The following ATP5F1B variants were observed in gnomAD, a reference collection of about 807,000 sequenced individuals.
The protein encoded by ATP5F1B is ATP synthase F1 subunit beta.
Under a neutral mutation model 45.9 loss-of-function variants are expected in ATP5F1B, and 17 were observed. The ratio of observed to expected loss-of-function variants is 0.37; its 90% confidence interval spans 0.25 to 0.56. ATP5F1B has a LOEUF of 0.56. Ranked by LOEUF, ATP5F1B falls within the 20% of genes least tolerant of loss-of-function variation. The pLI is 0.80. For missense variants in ATP5F1B, 387 were observed against 673.2 expected (o/e 0.57, Z 4.70); for synonymous variants, 218 against 256.5 (o/e 0.85, Z 1.43).
Position 56,638,201 on chromosome 12 carries a change from A to C in ATP5F1B, c.*122T>G. ...TCTGAGGGGTGTACATTTTATTGGA[A>C]ACCTTAAATACTGTTCAGAAAGAAT... On this transcript the variant is annotated 3_prime_UTR_variant, in exon 10 of 10. Coordinates refer to ENST00000262030, the MANE Select transcript of ATP5F1B (RefSeq NM_001686.4). 1.2e-6 allele frequency: 1 copy of C among 823,116 alleles called. No homozygotes were observed. Among genetic ancestry groups the C allele is most frequent in the South Asian group, 1.7e-5 (1 of 57,476 alleles). The allele number at this position is 823,116 out of a possible 1,614,324, so 51.0% of individuals were successfully genotyped here.
At position 56,642,369 on chromosome 12, in the gene ATP5F1B, T is replaced by C. The variant is rs903410364; in HGVS notation, c.1074+89A>G. 7.1e-6 allele frequency: 11 copies of C among 1,558,508 alleles called. No homozygotes were observed. In the African/African-American group the frequency reaches 1.5e-4, roughly 21 times the overall value. On this transcript the variant is annotated intron_variant, in intron 7 of 9. Transcript: ENST00000262030. Reference sequence around the variant, plus strand: ...GCTGATCTCTTGGGCTCAAGCAATCTTCCTGCCTCAGCCTCCTCAGTAGCT... The same window carrying C: ...GCTGATCTCTTGGGCTCAAGCAATCCTCCTGCCTCAGCCTCCTCAGTAGCT...
rs372294142 is a variant in ATP5F1B at position 56,644,968 on chromosome 12, G to A, written c.311-13C>T. 15 of 1,614,090 alleles carry A rather than the reference G, an allele frequency of 9.3e-6. No homozygotes were observed. Among genetic ancestry groups the A allele is most frequent in the Non-Finnish European group, 2.5e-6 (3 of 1,179,956 alleles). On this transcript the variant is annotated splice_polypyrimidine_tract_variant and intron_variant, in intron 2 of 9. Coordinates refer to ENST00000262030, the MANE Select transcript of ATP5F1B (RefSeq NM_001686.4). ...ACTGTGCTCTCACCTGTTAGATACA[G>A]GCATCGCAGGGTTATACATAAGGAT... is the stretch of plus-strand genomic sequence containing the variant.
chr12:56,645,417 G>A (rs1043056800), intron 1 of ATP5F1B, 64 bp from the exon 2 acceptor site: 75 of 1,514,570 alleles, frequency 5.0e-5, no homozygotes, highest in Non-Finnish European at 6.6e-5. Context: ...CGGAAGCCAG[G>A]ACTTAACACA....
chr12:56,641,379 AG>A (rs1175099068), intron 7 of ATP5F1B, among the ~76,000 whole-genome samples: 108 of 151,658 alleles, frequency 7.1e-4, no homozygotes, highest in African/African-American at 2.4e-3. Flanking sequence ...AAAAAAAAAA[AG>A]AATTAAAAAC....
At chr12:56,640,887 A>C (rs1255434544) in intron 7 of ATP5F1B, among the ~76,000 whole-genome samples, 3 of 149,002 alleles carry the variant, frequency 2.0e-5, no homozygotes, top group Non-Finnish European at 4.5e-5. Flanking sequence ...AAAAAAAAAA[A>C]CGGAAACAAA....
Position 56,640,184 on chromosome 12 carries a change from A to G in ATP5F1B, c.1083T>C (p.Tyr361=), listed in dbSNP as rs1215265712. ...KGSITSVQAI[Y]VPADDLTDPA... is the part of the protein sequence containing the mutation. The stretch of plus-strand genomic sequence containing the variant: ...GGTCAGTCAAGTCATCAGCAGGCAC[A>G]TAGATAGCCTAAAGTGAGATCCCAT... The change falls in exon 8 of 10, where the codon TAT becomes TAC. Residue 361 remains tyrosine (Y), a synonymous_variant. Coordinates refer to ENST00000262030, the MANE Select transcript of ATP5F1B (RefSeq NM_001686.4). 4 of 1,613,766 alleles carry G rather than the reference A, an allele frequency of 2.5e-6. No homozygotes were observed. The highest frequency in any genetic ancestry group is 1.3e-5 in the African/African-American group (1 of 74,996).
chr12:56,641,723 T>C (rs960854403), intron 7 of ATP5F1B, among the ~76,000 whole-genome samples: 1 of 151,860 alleles, frequency 6.6e-6, no homozygotes, highest in African/African-American at 2.4e-5. Flanking sequence ...GCTAATTTTT[T>C]GTATTTTTAG....
chr12:56,644,051 C>T, intron 3 of ATP5F1B, 93 bp from the exon 4 acceptor site: 1 of 1,443,944 alleles, frequency 6.9e-7, no homozygotes, highest in Non-Finnish European at 9.3e-7. Context: ...TCAAGTCCAT[C>T]CCTTTACCTG....
intron 7 of ATP5F1B, among the ~76,000 whole-genome samples, chr12:56,640,976 G>A (rs1951507762): frequency 6.6e-6 from 1 of 151,816 alleles, no homozygotes. Flanking sequence ...TTGAACCCAG[G>A]AGGTGGAGGT....
rs749214177 is a variant in ATP5F1B at position 56,645,027 on chromosome 12, CCTT to C, written c.311-75_311-73del. The C allele has an allele frequency of 1.8e-5, 29 of 1,608,952 alleles. No individual in the cohort carries two copies. In the Middle Eastern group the frequency reaches 4.9e-4, roughly 27 times the overall value. On this transcript the variant is annotated intron_variant, in intron 2 of 9. Coordinates refer to ENST00000262030, the MANE Select transcript of ATP5F1B (RefSeq NM_001686.4). ...ATCAAGACCTAAATCGACCAAGACT[CCTT>C]CTCAGTACCTAAATGTGGCTTCAGC...
chr12:56,639,832 G>C lies in ATP5F1B; in HGVS notation c.1287+148C>G, dbSNP rs1172402472. The C allele has an allele frequency of 2.0e-5, 14 of 704,030 alleles. No homozygotes were observed. In the East Asian group the frequency reaches 3.9e-4, roughly 19 times the overall value. 43.6% of individuals were successfully genotyped at this position (704,030 alleles called of 1,614,324 possible). A position where few individuals can be genotyped will look rare whatever the true frequency, so the allele number is the denominator to read the frequency against. On this transcript the variant is annotated intron_variant, in intron 8 of 9. Transcript: ENST00000262030. ...AAGCGTTAAGTACCTGGAAACTCAA[G>C]AGACCTCATTAGCTCTCACTAGCAA...
intron 1 of ATP5F1B, 79 bp downstream of exon 1, chr12:56,645,758 G>A (rs1951544996): frequency 8.3e-6 from 13 of 1,562,788 alleles, no homozygotes; most frequent in Non-Finnish European, 1.1e-5. Context: ...GATCCCTTAG[G>A]CCCGAGCTAC....
At chr12:56,641,807 T>C (rs765152484) in intron 7 of ATP5F1B, among the ~76,000 whole-genome samples, 20 of 152,012 alleles carry the variant, frequency 1.3e-4, no homozygotes, top group Non-Finnish European at 2.4e-4. Flanking sequence ...TGCCTTGGCC[T>C]CCCAAAGTGC....
intron 5 of ATP5F1B, 106 bp from the exon 6 acceptor site, chr12:56,642,937 G>A: frequency 7.7e-7 from 1 of 1,305,620 alleles, no homozygotes; most frequent in East Asian, 2.4e-5. Context: ...CTCAGAAGGT[G>A]TCAGCGTTTT....
chr12:56,642,458 C>T lies in ATP5F1B; in HGVS notation c.1074G>A (p.Gln358=). The change falls in exon 7 of 10, where the codon CAG becomes CAA. Residue 358 remains glutamine, a splice_region_variant and synonymous_variant. Coordinates refer to ENST00000262030, the MANE Select transcript of ATP5F1B (RefSeq NM_001686.4). ...TTKKGSITSV[Q]AIYVPADDLT... The stretch of plus-strand genomic sequence containing the variant: ...TCTTCATCTATGTAATTTTTCTTAC[C>T]TGTACAGAGGTGATAGATCCCTTCT... 1 of 1,613,666 alleles carries T rather than the reference C, an allele frequency of 6.2e-7. No individual in the cohort carries two copies. Among genetic ancestry groups the T allele is most frequent in the Non-Finnish European group, 8.5e-7 (1 of 1,179,974 alleles).
intron 1 of ATP5F1B, 58 bp downstream of exon 1, chr12:56,645,779 C>T: frequency 1.9e-6 from 3 of 1,584,698 alleles, no homozygotes; most frequent in South Asian, 2.3e-5. Flanking sequence ...CATCGTTCCC[C>T]GGCTCAAGGT....
intron 1 of ATP5F1B, 106 bp downstream of exon 1, chr12:56,645,731 A>G: frequency 6.5e-7 from 1 of 1,540,142 alleles, no homozygotes; most frequent in Non-Finnish European, 8.8e-7. Context: ...GGCTCCAGGC[A>G]TCCTTTTAAC....
chr12:56,644,960 T>TA lies in ATP5F1B; in HGVS notation c.311-6dup. 1 of 1,614,126 alleles carries TA rather than the reference T, an allele frequency of 6.2e-7. No individual in the cohort carries two copies. The highest frequency in any genetic ancestry group is 1.1e-5 in the South Asian group (1 of 91,090). On this transcript the variant is annotated splice_polypyrimidine_tract_variant and splice_region_variant and intron_variant, in intron 2 of 9. Coordinates refer to ENST00000262030, the MANE Select transcript of ATP5F1B (RefSeq NM_001686.4). ...TAGTCCTTACTGTGCTCTCACCTGT[T>TA]AGATACAGGCATCGCAGGGTTATAC...
chr12:56,642,800 G>A lies in ATP5F1B; in HGVS notation c.824C>T (p.Pro275Leu). The change falls in exon 6 of 10, where the codon CCA becomes CTA. Residue 275 changes from proline (P) to leucine (L), a missense_variant. Pro to Leu is a moderately conservative substitution (Grantham distance 98). This residue lies in a region of ATP5F1B where 154 missense variants were observed against 361.4 expected (regional missense o/e 0.43). Transcript: ENST00000262030. Reference protein sequence around the residue: ...VALVYGQMNEPPGARARVALT... With the variant: ...VALVYGQMNELPGARARVALT... ...AGCTACCCGGGCACGAGCACCAGGTGGTTCATTCATTTGACCATATACCAG... is the reference window on the plus strand; with the variant it reads ...AGCTACCCGGGCACGAGCACCAGGTAGTTCATTCATTTGACCATATACCAG... 3.1e-6 allele frequency: 5 copies of A among 1,614,096 alleles called. No individual in the cohort carries two copies. The highest frequency in any genetic ancestry group is 1.1e-5 in the South Asian group (1 of 91,088).
Sources: gnomAD v4.1 joint callset for allele counts (sites outside exome capture counted in the v4.1 genomes callset) on GRCh38, gnomAD v4.1.1 for gene constraint, gnomAD v4.1.1 regional missense constraint, MANE v1.5 for transcripts, NCBI Gene and HGNC (gene_info 2026-07-23, HGNC 2026-07-21) for gene names.